Variants in PTPRD observed in about 807,000 individuals in gnomAD.
PTPRD encodes protein tyrosine phosphatase receptor type D, also known as receptor-type tyrosine-protein phosphatase delta.
PTPRD carries 34 observed loss-of-function variants against 214.5 expected under a neutral mutation model. The ratio of observed to expected loss-of-function variants is 0.16; its 90% CI spans 0.12 to 0.21. The LOEUF (loss-of-function observed/expected upper bound fraction) is 0.21. PTPRD is among the 10% of genes least tolerant of loss of function. The pLI, the probability that PTPRD is intolerant of heterozygous loss-of-function variation, is 1.00. For synonymous variants in PTPRD, 1,128 were observed against 845.7 expected (o/e 1.33, Z -5.79); for missense variants, 2,545 against 2,398.7 (o/e 1.06, Z -1.27).
chr9:9,530,840 G>C (rs2075302250), intron 8 of PTPRD, among the ~76,000 whole-genome samples: 1 of 152,106 alleles, frequency 6.6e-6, no homozygotes, highest in African/African-American at 2.4e-5. Flanking sequence ...GCTGATCTCA[G>C]GGAGGTAGAG....
chr9:10,279,807 A>G (rs1043334761), intron 3 of PTPRD, among the ~76,000 whole-genome samples: 1 of 152,158 alleles, frequency 6.6e-6, no homozygotes, highest in African/African-American at 2.4e-5. Flanking sequence ...AGTGTGGGTA[A>G]TCTGCCATGA....
At position 8,314,696 on chromosome 9, in the gene PTPRD, G is replaced by A; in HGVS notation, c.*3178C>T. 1 of 232,038 alleles carries A rather than the reference G, an allele frequency of 4.3e-6. No homozygotes were observed. Among genetic ancestry groups the A allele is most frequent in the Non-Finnish European group, 8.5e-6 (1 of 117,222 alleles). 14.4% of individuals were successfully genotyped at this position (232,038 alleles called of 1,614,324 possible). ...CTTAAAGCAAAACCGAAAATAAACA[G>A]GAAAGAAAAAAAATACGTGCATTAC... On this transcript the variant is annotated 3_prime_UTR_variant, in exon 46 of 46. Coordinates refer to ENST00000381196, the MANE Select transcript of PTPRD (RefSeq NM_002839.4).
At chr9:10,116,650 A>G (rs1035508028) in intron 3 of PTPRD, among the ~76,000 whole-genome samples, 1 of 152,138 alleles carries the variant, frequency 6.6e-6, no homozygotes, top group African/African-American at 2.4e-5. Context: ...CCAGACTGCT[A>G]AAGGAATTCA....
intron 8 of PTPRD, among the ~76,000 whole-genome samples, chr9:9,403,150 G>C (rs2071549500): frequency 6.6e-6 from 1 of 150,784 alleles, no homozygotes; most frequent in South Asian, 2.1e-4. Context: ...AATTAGCTGG[G>C]TGTGGTGGCA....
At chr9:8,971,876 C>T (rs574679035) in intron 11 of PTPRD, among the ~76,000 whole-genome samples, 2 of 151,750 alleles carry the variant, frequency 1.3e-5, no homozygotes, top group Non-Finnish European at 3.0e-5. Flanking sequence ...AATCACACAG[C>T]TTGCAAGTGG....
intron 11 of PTPRD, among the ~76,000 whole-genome samples, chr9:8,737,399 T>C (rs1004464056): frequency 1.3e-5 from 2 of 152,102 alleles, no homozygotes; most frequent in African/African-American, 4.8e-5. Context: ...TAAGGTGGAA[T>C]TTAAATTTAG....
At position 9,898,988 on chromosome 9, in the gene PTPRD, C is replaced by A. The variant is rs2075737586; in HGVS notation, c.-368+39519G>T. Among the ~76,000 whole-genome samples the A allele has an allele frequency of 2.6e-5, 4 of 152,106 alleles. No homozygotes were observed. The South Asian group carries it at 8.3e-4, about 32-fold the overall frequency. ...ATTCATGATTATCTACATAACAAATCCCCAAAAAACTACCAAACAAAAATT... is the reference window on the plus strand; with the variant it reads ...ATTCATGATTATCTACATAACAAATACCCAAAAAACTACCAAACAAAAATT... On this transcript the variant is annotated intron_variant, in intron 5 of 45. Coordinates refer to ENST00000381196, the MANE Select transcript of PTPRD (RefSeq NM_002839.4).
At chr9:9,516,449 A>C (rs1590407834) in intron 8 of PTPRD, among the ~76,000 whole-genome samples, 2 of 151,796 alleles carry the variant, frequency 1.3e-5, no homozygotes, top group East Asian at 3.9e-4. Flanking sequence ...ATGGAAGCCA[A>C]CTTCATGAGG....
At chr9:10,102,837 G>A (rs1233783235) in intron 3 of PTPRD, among the ~76,000 whole-genome samples, 1 of 151,610 alleles carries the variant, frequency 6.6e-6, no homozygotes. Context: ...TTACATTCTA[G>A]TCAAATTCTT....
intron 14 of PTPRD, among the ~76,000 whole-genome samples, chr9:8,559,423 C>T (rs2085282394): frequency 6.6e-6 from 1 of 152,144 alleles, no homozygotes; most frequent in Admixed American, 6.5e-5. Context: ...CATGTGCAAT[C>T]AAATTTTACT....
At chr9:10,060,912 CTTTCTTTCTT>C (rs1567408994) in intron 3 of PTPRD, among the ~76,000 whole-genome samples, 3 of 111,366 alleles carry the variant, frequency 2.7e-5, no homozygotes, top group East Asian at 2.3e-4. Flanking sequence ...TTCTTTCTTT[CTTTCTTTCTT>C]TCTTTCTTTC....
chr9:9,339,627 A>C (rs1255266114), intron 9 of PTPRD, among the ~76,000 whole-genome samples: 1 of 152,228 alleles, frequency 6.6e-6, no homozygotes, highest in African/African-American at 2.4e-5. Flanking sequence ...ATGCATTGAC[A>C]GGTTAGCAAT....
chr9:8,643,408 G>A (rs1452662638), intron 12 of PTPRD, among the ~76,000 whole-genome samples: 1 of 152,104 alleles, frequency 6.6e-6, no homozygotes, highest in Non-Finnish European at 1.5e-5. Context: ...GAAAATATAT[G>A]AAAAGACAGT....
chr9:9,721,686 C>A lies in PTPRD; in HGVS notation c.-287+12847G>T, dbSNP rs189464433. 1.2e-3 allele frequency among the ~76,000 whole-genome samples: 187 copies of A among 152,154 alleles called. 1 individual carries two copies. The highest frequency in any genetic ancestry group is 4.2e-3 in the African/African-American group (174 of 41,536). ...TTATGATGTCATGTGTTTAAACTCT[C>A]CCTGATAAAATTATTAAAGAGATAG... On this transcript the variant is annotated intron_variant, in intron 7 of 45. Transcript: ENST00000381196.
chr9:9,113,039 A>C (rs2099808335), intron 10 of PTPRD, among the ~76,000 whole-genome samples: 1 of 151,384 alleles, frequency 6.6e-6, no homozygotes, highest in Non-Finnish European at 1.5e-5. Context: ...ATTATAGCTC[A>C]CTGCAGCCTC....
intron 7 of PTPRD, among the ~76,000 whole-genome samples, chr9:9,649,065 T>G (rs1174539172): frequency 1.3e-5 from 2 of 152,044 alleles, no homozygotes; most frequent in Non-Finnish European, 2.9e-5. Flanking sequence ...CCAGGGGAAT[T>G]GGGCGAGAGT....
At chr9:9,717,461 T>C (rs2097855272) in intron 7 of PTPRD, among the ~76,000 whole-genome samples, 1 of 152,216 alleles carries the variant, frequency 6.6e-6, no homozygotes, top group African/African-American at 2.4e-5. Context: ...ATTTTCATGA[T>C]ATTGAGCTAA....
chr9:10,600,720 G>C (rs1391732657), intron 2 of PTPRD, among the ~76,000 whole-genome samples: 1 of 151,706 alleles, frequency 6.6e-6, no homozygotes, highest in African/African-American at 2.4e-5. Context: ...TAATATAGTA[G>C]GTGGTTCATC....
At chr9:9,545,125 C>A (rs571380225) in intron 8 of PTPRD, among the ~76,000 whole-genome samples, 2 of 151,644 alleles carry the variant, frequency 1.3e-5, no homozygotes, top group Admixed American at 6.6e-5. Context: ...GTTAAAATTG[C>A]TGAACCTATG....
Sources: allele counts gnomAD v4.1 joint callset (sites outside exome capture counted in the v4.1 genomes callset), GRCh38; gene constraint gnomAD v4.1.1; transcripts MANE v1.5; gene names NCBI Gene and HGNC (gene_info 2026-07-23, HGNC 2026-07-21).